The following CTNNA3 variants were observed in gnomAD, a reference collection of about 807,000 sequenced individuals.
CTNNA3 encodes catenin alpha-3.
CTNNA3 carries 76 observed loss-of-function variants against 95.7 expected under a neutral mutation model. The observed-to-expected ratio is 0.79, with a 90% confidence interval of 0.66 to 0.96. The LOEUF is 0.96. Ranked by LOEUF, CTNNA3 falls within the 40% of genes least tolerant of loss-of-function variation. The probability of loss-of-function intolerance (pLI) is 0.00; values close to 1 mark genes in which losing one functional copy is unlikely to be tolerated. For missense variants in CTNNA3, 1,191 were observed against 1,089.8 expected (o/e 1.09, Z -1.31); for synonymous variants, 431 against 374.4 (o/e 1.15, Z -1.74).
At chr10:67,743,139 C>T (rs886116852) in intron 1 of CTNNA3, among the ~76,000 whole-genome samples, 4 of 151,288 alleles carry the variant, frequency 2.6e-5, no homozygotes, top group African/African-American at 9.7e-5. Flanking sequence ...GGAATCCTCC[C>T]TAACTCATTT....
intron 11 of CTNNA3, among the ~76,000 whole-genome samples, chr10:66,516,040 A>T (rs141998939): frequency 4.3e-4 from 63 of 145,764 alleles, no homozygotes; most frequent in African/African-American, 1.5e-3. Context: ...CATCACAGCT[A>T]TTCAAACTAT....
intron 13 of CTNNA3, among the ~76,000 whole-genome samples, chr10:66,135,998 T>C (rs895631782): frequency 6.6e-6 from 1 of 151,606 alleles, no homozygotes; most frequent in Admixed American, 6.6e-5. Flanking sequence ...ACCTCCTGTG[T>C]TCATGCCATT....
intron 7 of CTNNA3, among the ~76,000 whole-genome samples, chr10:66,815,539 C>A (rs1842043846): frequency 6.6e-6 from 1 of 152,066 alleles, no homozygotes; most frequent in South Asian, 2.1e-4. Flanking sequence ...ATATTCGAAT[C>A]TTTCATATTC....
chr10:67,748,911 A>G (rs1294821178), intron 1 of CTNNA3, among the ~76,000 whole-genome samples: 1 of 152,200 alleles, frequency 6.6e-6, no homozygotes, highest in Non-Finnish European at 1.5e-5. Flanking sequence ...GTCTTTGCAC[A>G]TGTCTTTGCA....
intron 12 of CTNNA3, among the ~76,000 whole-genome samples, chr10:66,360,691 CTTTT>C (rs2092655755): frequency 2.2e-5 from 1 of 46,374 alleles, no homozygotes; most frequent in Non-Finnish European, 6.7e-5. Flanking sequence ...TCCTTCCTTC[CTTTT>C]CTTTCTTTCT....
chr10:67,499,178 A>G (rs1407642835), intron 5 of CTNNA3, among the ~76,000 whole-genome samples: 1 of 152,210 alleles, frequency 6.6e-6, no homozygotes, highest in African/African-American at 2.4e-5. Flanking sequence ...CCTTTTCTGC[A>G]TCTATTGAGA....
intron 7 of CTNNA3, among the ~76,000 whole-genome samples, chr10:67,168,907 G>C (rs992630215): frequency 2.0e-5 from 3 of 152,118 alleles, no homozygotes; most frequent in African/African-American, 7.2e-5. Context: ...TAGCTCAAAA[G>C]CTCCTTCAGC....
intron 13 of CTNNA3, among the ~76,000 whole-genome samples, chr10:66,189,617 TACACAC>T (rs1554883914): frequency 1.1e-4 from 15 of 140,266 alleles, no homozygotes; most frequent in African/African-American, 2.8e-4. Context: ...TATATATATA[TACACAC>T]ATACACACAC....
chr10:66,421,621 T>G (rs1237390203), intron 11 of CTNNA3, among the ~76,000 whole-genome samples: 1 of 151,410 alleles, frequency 6.6e-6, no homozygotes, highest in Non-Finnish European at 1.5e-5. Flanking sequence ...GATAATGAGG[T>G]CAAGAGATCG....
chr10:67,144,186 C>T (rs568218694), intron 7 of CTNNA3, among the ~76,000 whole-genome samples: 14 of 152,272 alleles, frequency 9.2e-5, no homozygotes, highest in East Asian at 1.9e-4. Flanking sequence ...CAGGTTTCAA[C>T]GTTGGGTTTA....
chr10:66,383,914 T>C (rs2092865010), intron 11 of CTNNA3, among the ~76,000 whole-genome samples: 1 of 152,092 alleles, frequency 6.6e-6, no homozygotes, highest in East Asian at 1.9e-4. Flanking sequence ...TTTGTCACCA[T>C]CAGGCCTGCC....
At chr10:66,349,193 C>T (rs1237527510) in intron 12 of CTNNA3, among the ~76,000 whole-genome samples, 1 of 152,066 alleles carries the variant, frequency 6.6e-6, no homozygotes, top group Non-Finnish European at 1.5e-5. Context: ...TGTGGGCAGC[C>T]TCTAGGAGCT....
intron 13 of CTNNA3, among the ~76,000 whole-genome samples, chr10:66,205,974 T>C (rs2087729468): frequency 6.6e-6 from 1 of 152,068 alleles, no homozygotes; most frequent in East Asian, 1.9e-4. Context: ...ATTATGTCAA[T>C]TTAAACCTTG....
chr10:67,199,653 A>G (rs997486317), intron 6 of CTNNA3, among the ~76,000 whole-genome samples: 25 of 152,080 alleles, frequency 1.6e-4, no homozygotes, highest in Admixed American at 6.6e-5. Context: ...ACAGACGTGA[A>G]GGTTTTTGTA....
At chr10:67,015,947 T>A (rs1379207203) in intron 7 of CTNNA3, among the ~76,000 whole-genome samples, 1 of 152,172 alleles carries the variant, frequency 6.6e-6, no homozygotes, top group Non-Finnish European at 1.5e-5. Context: ...AGTGTCTATT[T>A]TATTTCTGTC....
At chr10:66,429,452 A>T (rs1327885804) in intron 11 of CTNNA3, among the ~76,000 whole-genome samples, 3 of 152,146 alleles carry the variant, frequency 2.0e-5, no homozygotes, top group Admixed American at 2.0e-4. Flanking sequence ...ACAAGCAAAA[A>T]AGAGAATTTT....
chr10:65,920,016 C>T lies in CTNNA3; in HGVS notation c.*314G>A, dbSNP rs1301812634. 1 of 313,112 alleles carries T rather than the reference C, an allele frequency of 3.2e-6. No homozygotes were observed. Among genetic ancestry groups the T allele is most frequent in the Non-Finnish European group, 6.0e-6 (1 of 167,732 alleles). The allele number at this position is 313,112 out of a possible 1,614,324, so 19.4% of individuals were successfully genotyped here. On this transcript the variant is annotated 3_prime_UTR_variant, in exon 18 of 18. Transcript: ENST00000433211. Reference sequence around the variant, plus strand: ...TGAAGTATTACAGATAAACAGGACTCTCTGGCCTCTCCTGTGTTTATTTGG... The same window carrying T: ...TGAAGTATTACAGATAAACAGGACTTTCTGGCCTCTCCTGTGTTTATTTGG...
At chr10:67,416,630 A>AAC in intron 5 of CTNNA3, among the ~76,000 whole-genome samples, 1 of 150,250 alleles carries the variant, frequency 6.7e-6, no homozygotes, top group Non-Finnish European at 1.5e-5. Context: ...AAAAAAAAAA[A>AAC]ACAAGTGGAC....
At chr10:66,697,097 G>A (rs1399406114) in intron 9 of CTNNA3, among the ~76,000 whole-genome samples, 1 of 151,908 alleles carries the variant, frequency 6.6e-6, no homozygotes, top group Non-Finnish European at 1.5e-5. Flanking sequence ...TATACCTGGA[G>A]AATCTCAGAT....
Sources: allele counts gnomAD v4.1 joint callset (sites outside exome capture counted in the v4.1 genomes callset), GRCh38; gene constraint gnomAD v4.1.1; transcripts MANE v1.5; gene names NCBI Gene and HGNC (gene_info 2026-07-23, HGNC 2026-07-21).